The following DPYD variants were observed in gnomAD, a reference collection of about 807,000 sequenced individuals.
DPYD encodes the protein dihydropyrimidine dehydrogenase [NADP(+)].
In DPYD, 109 loss-of-function variants were observed where a neutral mutation model predicts 116.2. The observed-to-expected ratio is 0.94, with a 90% CI of 0.80 to 1.10. The LOEUF (loss-of-function observed/expected upper bound fraction) is 1.10. Among genes scored for constraint, DPYD ranks in the 50% least tolerant of loss-of-function variants. The probability of loss-of-function intolerance (pLI) is 0.00; values close to 1 mark genes in which losing one functional copy is unlikely to be tolerated. For missense variants in DPYD, 1,302 were observed against 1,254.5 expected, an observed-to-expected ratio of 1.04 and a Z score of -0.57; for synonymous variants, 440 against 432.0, an observed-to-expected ratio of 1.02 and a Z score of -0.23.
intron 2 of DPYD, among the ~76,000 whole-genome samples, chr1:97,832,697 G>T (rs769846827): frequency 4.8e-4 from 73 of 152,074 alleles, no homozygotes; most frequent in Non-Finnish European, 9.0e-4. Context: ...AAAAAGAACT[G>T]GTTTTGGTGG....
At chr1:97,795,672 A>C (rs1667537110) in intron 3 of DPYD, among the ~76,000 whole-genome samples, 1 of 151,960 alleles carries the variant, frequency 6.6e-6, no homozygotes, top group Non-Finnish European at 1.5e-5. Flanking sequence ...TTTAAAAAAT[A>C]ATGGACATAC....
chr1:97,265,161 G>A (rs1664150115), intron 18 of DPYD, among the ~76,000 whole-genome samples: 1 of 151,988 alleles, frequency 6.6e-6, no homozygotes, highest in Non-Finnish European at 1.5e-5. Context: ...AAATTCCCAA[G>A]CTCATGGTAG....
chr1:97,598,742 T>C (rs984819611), intron 8 of DPYD, among the ~76,000 whole-genome samples: 1 of 152,232 alleles, frequency 6.6e-6, no homozygotes, highest in African/African-American at 2.4e-5. Context: ...GTGATTATTA[T>C]ATAACTCATT....
At chr1:97,346,421 T>G (rs756151848) in intron 16 of DPYD, among the ~76,000 whole-genome samples, 1 of 151,918 alleles carries the variant, frequency 6.6e-6, no homozygotes, top group Non-Finnish European at 1.5e-5. Context: ...ATCACTCTTC[T>G]GTCTCTTGTT....
At chr1:97,267,341 G>C (rs893805406) in intron 18 of DPYD, among the ~76,000 whole-genome samples, 1 of 152,124 alleles carries the variant, frequency 6.6e-6, no homozygotes, top group Admixed American at 6.5e-5. Context: ...TTTGAGAAGT[G>C]CCTGTTCATA....
intron 6 of DPYD, among the ~76,000 whole-genome samples, chr1:97,696,344 G>A (rs1661304989): frequency 6.6e-6 from 1 of 151,994 alleles, no homozygotes; most frequent in Non-Finnish European, 1.5e-5. Flanking sequence ...AAGTTTATAC[G>A]GAGATGTCTA....
chr1:97,263,991 C>A (rs1274378891), intron 18 of DPYD, among the ~76,000 whole-genome samples: 1 of 151,792 alleles, frequency 6.6e-6, no homozygotes, highest in Admixed American at 6.6e-5. Flanking sequence ...TTGATATTAT[C>A]TTTTTTCTTT....
chr1:97,573,737 C>T (rs2102181786), intron 11 of DPYD, 23 bp downstream of exon 11: 1 of 1,613,030 alleles, frequency 6.2e-7, no homozygotes, highest in Non-Finnish European at 8.5e-7. Flanking sequence ...TTGCATCACA[C>T]ATTTCAGCTC....
At chr1:97,268,779 G>T (rs1421143835) in intron 18 of DPYD, among the ~76,000 whole-genome samples, 5 of 152,156 alleles carry the variant, frequency 3.3e-5, no homozygotes, top group Non-Finnish European at 5.9e-5. Context: ...TTGCCTTGAA[G>T]ATCTCAGAAA....
At chr1:97,252,185 T>C (rs1168114067) in intron 18 of DPYD, among the ~76,000 whole-genome samples, 1 of 152,226 alleles carries the variant, frequency 6.6e-6, no homozygotes, top group African/African-American at 2.4e-5. Flanking sequence ...TAATGTTTTC[T>C]GATGAAATTT....
intron 16 of DPYD, among the ~76,000 whole-genome samples, chr1:97,335,042 C>T (rs1245638548): frequency 6.6e-6 from 1 of 152,158 alleles, no homozygotes; most frequent in Non-Finnish European, 1.5e-5. Flanking sequence ...ATGCCTGTCA[C>T]TGTGACAAAC....
chr1:97,911,611 A>C (rs1353285365), intron 1 of DPYD, among the ~76,000 whole-genome samples: 1 of 152,110 alleles, frequency 6.6e-6, no homozygotes, highest in Non-Finnish European at 1.5e-5. Flanking sequence ...ATGTACACAC[A>C]CATGCTAGTG....
intron 15 of DPYD, among the ~76,000 whole-genome samples, chr1:97,378,564 C>T (rs892553007): frequency 3.3e-5 from 5 of 152,166 alleles, no homozygotes; most frequent in African/African-American, 1.2e-4. Flanking sequence ...AGGTACCTGA[C>T]TTAAAATCAT....
chr1:97,200,841 C>T (rs1326644768), intron 19 of DPYD, among the ~76,000 whole-genome samples: 4 of 152,094 alleles, frequency 2.6e-5, no homozygotes, highest in African/African-American at 7.2e-5. Context: ...CTGGCAGACC[C>T]GCCTGGTTTG....
chr1:97,567,709 A>C (rs1652623969), intron 11 of DPYD, among the ~76,000 whole-genome samples: 1 of 152,196 alleles, frequency 6.6e-6, no homozygotes, highest in South Asian at 2.1e-4. Flanking sequence ...AACTTAGTTG[A>C]AAATTCAAAA....
chr1:97,792,087 A>G lies in DPYD; in HGVS notation c.233+36027T>C, dbSNP rs200062125. On this transcript the variant is annotated intron_variant, in intron 3 of 22. Coordinates refer to ENST00000370192, the MANE Select transcript of DPYD (RefSeq NM_000110.4). ...CTTTCACCTGCTAACTCTATTATGC[A>G]TAGTCATAATGCAGTACCGAGTGAA... is the stretch of plus-strand genomic sequence containing the variant. 5.1e-4 allele frequency among the ~76,000 whole-genome samples: 78 copies of G among 152,302 alleles called. No homozygotes were observed. In the East Asian group the frequency reaches 7.3e-3, roughly 14 times the overall value.
intron 3 of DPYD, among the ~76,000 whole-genome samples, chr1:97,823,980 G>C (rs1345683980): frequency 6.6e-6 from 1 of 150,708 alleles, no homozygotes; most frequent in Non-Finnish European, 1.5e-5. Context: ...GAACTACTTG[G>C]GGTACTTCAT....
chr1:97,203,431 G>C lies in DPYD; in HGVS notation c.2443-10183C>G, dbSNP rs142115652. Among the ~76,000 whole-genome samples the C allele has an allele frequency of 6.7e-3, 910 of 136,234 alleles. 9 individuals are homozygous for C. The highest frequency in any genetic ancestry group is 0.012 in the Middle Eastern group (3 of 260). The allele number at this position is 136,234 out of a possible 152,430, so 89.4% of individuals were successfully genotyped here. On this transcript the variant is annotated intron_variant, in intron 19 of 22. Transcript: ENST00000370192. Reference sequence around the variant, plus strand: ...CACAGAGGAGAAGTCATAATGCCTAGAGAGAAAAAGTTCAGGAAGGGGAAT... The same window carrying C: ...CACAGAGGAGAAGTCATAATGCCTACAGAGAAAAAGTTCAGGAAGGGGAAT...
intron 3 of DPYD, among the ~76,000 whole-genome samples, chr1:97,820,358 C>T (rs994263684): frequency 2.0e-5 from 3 of 152,088 alleles, no homozygotes; most frequent in Admixed American, 6.6e-5. Context: ...TATCTCTTTT[C>T]GGACCTCAGC....
Sources: allele counts gnomAD v4.1 joint callset (sites outside exome capture counted in the v4.1 genomes callset), GRCh38; gene constraint gnomAD v4.1.1; transcripts MANE v1.5; gene names NCBI Gene and HGNC (gene_info 2026-07-23, HGNC 2026-07-21).